The following GNA14 variants were observed in gnomAD, a reference collection of about 807,000 sequenced individuals.
GNA14 encodes guanine nucleotide-binding protein subunit alpha-14.
GNA14 carries 50 observed loss-of-function variants against 42.0 expected under a neutral mutation model. That is an observed-to-expected ratio of 1.19 (90% CI 0.95 to 1.51). The LOEUF is 1.51. Ranked by LOEUF, GNA14 falls within the 40% of genes most tolerant of loss-of-function variation. GNA14 has a pLI of 0.00. For synonymous variants in GNA14, 173 were observed against 163.1 expected, an observed-to-expected ratio of 1.06 and a Z score of -0.46; for missense variants, 473 against 446.2, an observed-to-expected ratio of 1.06 and a Z score of -0.54.
intron 1 of GNA14, among the ~76,000 whole-genome samples, chr9:77,597,984 A>G (rs540011520): frequency 3.3e-5 from 5 of 152,292 alleles, no homozygotes; most frequent in Admixed American, 1.3e-4. Context: ...GGTTGCAGTG[A>G]GCAGAGATTA....
chr9:77,634,365 T>C (rs962806136), intron 1 of GNA14, among the ~76,000 whole-genome samples: 10 of 139,448 alleles, frequency 7.2e-5, no homozygotes, highest in African/African-American at 2.7e-4. Flanking sequence ...CAGAAGTTGA[T>C]CACACCACTG....
In GNA14 at chr9:77,561,363, A is replaced by G. The variant is rs571330926; in HGVS notation, c.125-32110T>C. Among the ~76,000 whole-genome samples the G allele has an allele frequency of 3.0e-4, 46 of 152,336 alleles. 1 individual carries two copies. The highest frequency in any genetic ancestry group is 1.1e-3 in the African/African-American group (44 of 41,572). On this transcript the variant is annotated intron_variant, in intron 1 of 6. Transcript: ENST00000341700. The stretch of plus-strand genomic sequence containing the variant: ...ATCTTTAGAGGCCGAATAAAGGATA[A>G]GAAATATTTTAAAAAAGAAGAAGAG...
At chr9:77,425,410 C>T (rs1242336223) in intron 6 of GNA14, 152 bp downstream of exon 6, 3 of 557,066 alleles carry the variant, frequency 5.4e-6, no homozygotes, top group Non-Finnish European at 9.5e-6. Context: ...AACAATGGTG[C>T]AACTAGAGCT....
chr9:77,633,172 T>C (rs1017010985), intron 1 of GNA14, among the ~76,000 whole-genome samples: 1 of 152,096 alleles, frequency 6.6e-6, no homozygotes, highest in African/African-American at 2.4e-5. Flanking sequence ...GCACTATTTT[T>C]AAAAAGAAAT....
chr9:77,610,154 A>G (rs936142741), intron 1 of GNA14, among the ~76,000 whole-genome samples: 8 of 152,136 alleles, frequency 5.3e-5, no homozygotes, highest in African/African-American at 1.7e-4. Flanking sequence ...CTTTGTCCTA[A>G]GCTGTTGTCT....
intron 1 of GNA14, among the ~76,000 whole-genome samples, chr9:77,535,663 C>T (rs551272787): frequency 1.3e-5 from 2 of 152,234 alleles, no homozygotes; most frequent in South Asian, 2.1e-4. Context: ...ATGAGGGAGA[C>T]GATGCTCATT....
chr9:77,523,573 C>G (rs62573378), intron 2 of GNA14, among the ~76,000 whole-genome samples: 31,544 of 152,072 alleles, frequency 0.21, 4,814 homozygotes, highest in African/African-American at 0.43. Flanking sequence ...CACAGGCACA[C>G]ATCCAAACCA....
At chr9:77,579,490 C>G (rs1823181831) in intron 1 of GNA14, among the ~76,000 whole-genome samples, 1 of 152,032 alleles carries the variant, frequency 6.6e-6, no homozygotes, top group East Asian at 1.9e-4. Flanking sequence ...TTTAATTTCC[C>G]CAAAATCTAG....
At chr9:77,592,645 A>C (rs1144432) in intron 1 of GNA14, among the ~76,000 whole-genome samples, 94,175 of 152,092 alleles carry the variant, frequency 0.62, 30,892 homozygotes, top group East Asian at 0.84. Flanking sequence ...TCCTCTCTAA[A>C]CATTCGAGTT....
chr9:77,545,513 G>A (rs1002473190), intron 1 of GNA14, among the ~76,000 whole-genome samples: 1 of 152,144 alleles, frequency 6.6e-6, no homozygotes, highest in African/African-American at 2.4e-5. Context: ...CTCTTGAAAG[G>A]TCCAGTTTAT....
chr9:77,437,132 C>G (rs1023423099), intron 2 of GNA14, among the ~76,000 whole-genome samples: 8 of 152,208 alleles, frequency 5.3e-5, no homozygotes, highest in African/African-American at 1.9e-4. Flanking sequence ...AGCTTTAGTG[C>G]TGCGACAATC....
chr9:77,594,172 C>T (rs1441775561), intron 1 of GNA14, among the ~76,000 whole-genome samples: 2 of 152,216 alleles, frequency 1.3e-5, no homozygotes, highest in African/African-American at 4.8e-5. Flanking sequence ...AAGTCAGCAG[C>T]AACACAGTGG....
At chr9:77,600,231 A>C (rs989163870) in intron 1 of GNA14, among the ~76,000 whole-genome samples, 3 of 152,372 alleles carry the variant, frequency 2.0e-5, no homozygotes, top group African/African-American at 7.2e-5. Flanking sequence ...GGAAAGCCAA[A>C]GTACACCCCT....
intron 2 of GNA14, among the ~76,000 whole-genome samples, chr9:77,466,172 A>G (rs1836219717): frequency 6.6e-6 from 1 of 152,336 alleles, no homozygotes; most frequent in South Asian, 2.1e-4. Context: ...CAAATCTGGC[A>G]GGTTTTCAGC....
chr9:77,606,212 A>G (rs1437523001), intron 1 of GNA14, among the ~76,000 whole-genome samples: 3 of 152,228 alleles, frequency 2.0e-5, no homozygotes, highest in Non-Finnish European at 4.4e-5. Context: ...TTGTTTTCCA[A>G]AAGGGAAAGA....
rs143031383 is a variant in GNA14 at position 77,424,788 on chromosome 9, G to C, written c.878-619C>G. ...CTAACACATATGGACAGACAGCTCTGGTCTAGGAGAGATAAAAGGAAGAAT... is the reference window on the plus strand; with the variant it reads ...CTAACACATATGGACAGACAGCTCTCGTCTAGGAGAGATAAAAGGAAGAAT... On this transcript the variant is annotated intron_variant, in intron 6 of 6. Coordinates refer to ENST00000341700, the MANE Select transcript of GNA14 (RefSeq NM_004297.4). Among the ~76,000 whole-genome samples, 870 of 152,246 alleles carry C rather than the reference G, an allele frequency of 5.7e-3. 10 individuals carry two copies. The highest frequency in any genetic ancestry group is 0.02 in the African/African-American group (822 of 41,546).
intron 1 of GNA14, among the ~76,000 whole-genome samples, chr9:77,545,820 C>T (rs954153871): frequency 6.6e-6 from 1 of 152,130 alleles, no homozygotes. Flanking sequence ...TTGCATTTGC[C>T]ATGATCTTTA....
chr9:77,617,505 A>G (rs1823842184), intron 1 of GNA14, among the ~76,000 whole-genome samples: 1 of 152,124 alleles, frequency 6.6e-6, no homozygotes, highest in African/African-American at 2.4e-5. Flanking sequence ...CCAAGTCACC[A>G]TGACAGGTCA....
chr9:77,483,163 T>G (rs1431280512), intron 2 of GNA14, among the ~76,000 whole-genome samples: 1 of 152,128 alleles, frequency 6.6e-6, no homozygotes, highest in Non-Finnish European at 1.5e-5. Context: ...TTCTGCTCTG[T>G]TTTTTCCCCA....
Sources: gnomAD v4.1 joint callset for allele counts (sites outside exome capture counted in the v4.1 genomes callset) on GRCh38, gnomAD v4.1.1 for gene constraint, MANE v1.5 for transcripts, NCBI Gene and HGNC (gene_info 2026-07-23, HGNC 2026-07-21) for gene names.